PCDH9: variants seen among roughly 807,000 people sequenced by gnomAD.
PCDH9 encodes protocadherin-9.
In PCDH9, 24 loss-of-function variants were observed where a neutral mutation model predicts 70.6. That is an observed-to-expected ratio of 0.34 (90% CI 0.25 to 0.48). The LOEUF (loss-of-function observed/expected upper bound fraction) is 0.48, where lower values mean the gene tolerates loss of function less well. PCDH9 is among the 20% of genes least tolerant of loss of function. PCDH9 has a pLI of 0.99. For synonymous variants in PCDH9, 562 were observed against 558.5 expected, an observed-to-expected ratio of 1.01 and a Z score of -0.09; for missense variants, 1,281 against 1,503.6, an observed-to-expected ratio of 0.85 and a Z score of 2.45.
intron 4 of PCDH9, among the ~76,000 whole-genome samples, chr13:66,427,745 T>C (rs538605579): frequency 8.6e-5 from 13 of 151,832 alleles, no homozygotes; most frequent in Non-Finnish European, 1.8e-4. Context: ...TGCTCAAGTA[T>C]TGCATCAATT....
intron 2 of PCDH9, among the ~76,000 whole-genome samples, chr13:67,155,167 T>A (rs2087778791): frequency 6.6e-6 from 1 of 152,220 alleles, no homozygotes; most frequent in Non-Finnish European, 1.5e-5. Flanking sequence ...TTATATCAGT[T>A]ATTTTTCAGA....
chr13:67,154,111 A>T lies in PCDH9; in HGVS notation c.3036+71294T>A, dbSNP rs144448623. On this transcript the variant is annotated intron_variant, in intron 2 of 4. Coordinates refer to ENST00000377865, the MANE Select transcript of PCDH9 (RefSeq NM_203487.3). ...AACTCTTCCTCCTATAAGACAAAAAACAGTACATGTATATAAGATAATTAA... is the reference window on the plus strand; with the variant it reads ...AACTCTTCCTCCTATAAGACAAAAATCAGTACATGTATATAAGATAATTAA... 7.9e-4 allele frequency among the ~76,000 whole-genome samples: 120 copies of T among 152,330 alleles called. 3 individuals carry two copies. Among genetic ancestry groups the T allele is most frequent in the Middle Eastern group, 6.8e-3 (2 of 294 alleles).
chr13:67,010,841 A>T (rs184913141), intron 2 of PCDH9, among the ~76,000 whole-genome samples: 8 of 152,100 alleles, frequency 5.3e-5, no homozygotes, highest in African/African-American at 1.9e-4. Flanking sequence ...GGTAAAGTAA[A>T]ATGTTGGATT....
chr13:66,930,745 A>G (rs2082793736), intron 2 of PCDH9, among the ~76,000 whole-genome samples: 1 of 152,142 alleles, frequency 6.6e-6, no homozygotes, highest in Non-Finnish European at 1.5e-5. Context: ...AAAACAAGCA[A>G]TAGCATAATG....
intron 2 of PCDH9, among the ~76,000 whole-genome samples, chr13:66,968,017 G>C (rs2083459065): frequency 2.0e-5 from 3 of 151,970 alleles, no homozygotes; most frequent in Admixed American, 2.0e-4. Context: ...CACCTCATAA[G>C]GGAAAGCATT....
At chr13:66,683,331 C>T (rs911698094) in intron 3 of PCDH9, among the ~76,000 whole-genome samples, 2 of 152,172 alleles carry the variant, frequency 1.3e-5, no homozygotes, top group Non-Finnish European at 2.9e-5. Context: ...TTATTGCCCT[C>T]AATGGAGACA....
intron 3 of PCDH9, among the ~76,000 whole-genome samples, chr13:66,846,928 C>G (rs926924797): frequency 6.6e-6 from 1 of 151,118 alleles, no homozygotes; most frequent in South Asian, 2.1e-4. Flanking sequence ...CAGAGTATAT[C>G]ACTAAATCCA....
intron 2 of PCDH9, among the ~76,000 whole-genome samples, chr13:67,180,332 T>C (rs2088582781): frequency 6.6e-6 from 1 of 152,094 alleles, no homozygotes; most frequent in African/African-American, 2.4e-5. Context: ...GCGCCAATTT[T>C]GAGGATTTTT....
At chr13:66,335,927 G>A (rs572704573) in intron 4 of PCDH9, among the ~76,000 whole-genome samples, 5 of 152,222 alleles carry the variant, frequency 3.3e-5, no homozygotes, top group Admixed American at 1.3e-4. Flanking sequence ...CACAAGACTG[G>A]TCTAGCAATA....
intron 3 of PCDH9, among the ~76,000 whole-genome samples, chr13:66,657,087 C>T (rs1039645604): frequency 6.6e-6 from 1 of 152,104 alleles, no homozygotes; most frequent in Admixed American, 6.6e-5. Flanking sequence ...ACCAGGCAAT[C>T]TATGTTAGAA....
chr13:66,840,044 T>C (rs1359820347), intron 3 of PCDH9, among the ~76,000 whole-genome samples: 1 of 152,188 alleles, frequency 6.6e-6, no homozygotes, highest in African/African-American at 2.4e-5. Context: ...GGACAGGTTG[T>C]TGGCCATTCC....
chr13:66,309,971 A>C (rs925409083), intron 4 of PCDH9, among the ~76,000 whole-genome samples: 4 of 151,974 alleles, frequency 2.6e-5, no homozygotes, highest in Non-Finnish European at 5.9e-5. Context: ...CTATAATTTT[A>C]TCATTACACC....
chr13:67,104,365 A>T (rs2086493396), intron 2 of PCDH9, among the ~76,000 whole-genome samples: 1 of 152,168 alleles, frequency 6.6e-6, no homozygotes, highest in Non-Finnish European at 1.5e-5. Flanking sequence ...TTGCCAGGTT[A>T]GCTATATCAA....
intron 2 of PCDH9, among the ~76,000 whole-genome samples, chr13:67,004,737 T>C (rs905979732): frequency 2.6e-5 from 4 of 152,200 alleles, no homozygotes; most frequent in African/African-American, 7.2e-5. Flanking sequence ...TTTGGAAATG[T>C]TTCTTGAATT....
At chr13:66,581,307 A>C (rs1407502455) in intron 4 of PCDH9, among the ~76,000 whole-genome samples, 3 of 152,194 alleles carry the variant, frequency 2.0e-5, no homozygotes, top group African/African-American at 7.2e-5. Flanking sequence ...TCTATGGATG[A>C]GCTAAAATAA....
At chr13:66,335,519 C>T (rs1048194434) in intron 4 of PCDH9, among the ~76,000 whole-genome samples, 3 of 152,104 alleles carry the variant, frequency 2.0e-5, no homozygotes, top group Non-Finnish European at 4.4e-5. Context: ...ATCAGATACA[C>T]ATTATCTTAT....
intron 4 of PCDH9, among the ~76,000 whole-genome samples, chr13:66,480,896 A>G (rs569056425): frequency 1.1e-4 from 16 of 152,304 alleles, no homozygotes; most frequent in South Asian, 2.1e-4. Flanking sequence ...AATAGCAAAG[A>G]CTTGAAACCA....
chr13:66,782,698 T>C (rs939469806), intron 3 of PCDH9: 1 of 152,180 alleles, frequency 6.6e-6, no homozygotes, highest in Non-Finnish European at 1.5e-5. Context: ...AAATTAAAAT[T>C]ACAGGTGTGA....
chr13:66,960,791 T>C (rs2083333403), intron 2 of PCDH9, among the ~76,000 whole-genome samples: 1 of 152,196 alleles, frequency 6.6e-6, no homozygotes, highest in Admixed American at 6.5e-5. Flanking sequence ...ACAACTCATG[T>C]TAGTAACACT....
Sources: gnomAD v4.1 joint callset for allele counts (sites outside exome capture counted in the v4.1 genomes callset) on GRCh38, gnomAD v4.1.1 for gene constraint, MANE v1.5 for transcripts, NCBI Gene and HGNC (gene_info 2026-07-23, HGNC 2026-07-21) for gene names.